Variants in CTBP2 observed in about 807,000 individuals in gnomAD.
CTBP2 encodes C-terminal-binding protein 2.
In CTBP2, 30 loss-of-function variants were observed where a neutral mutation model predicts 80.3. The ratio of observed to expected loss-of-function variants is 0.37; its 90% CI spans 0.28 to 0.51. The LOEUF (loss-of-function observed/expected upper bound fraction) is 0.51. Ranked by LOEUF, CTBP2 falls within the 20% of genes least tolerant of loss-of-function variation. CTBP2 has a pLI of 0.93. For missense variants in CTBP2, 1,212 were observed against 1,375.3 expected (o/e 0.88, Z 1.88); for synonymous variants, 594 against 587.4 (o/e 1.01, Z -0.16).
At chr10:125,052,531 C>A (rs891267913) in intron 2 of CTBP2, among the ~76,000 whole-genome samples, 7 of 152,242 alleles carry the variant, frequency 4.6e-5, no homozygotes, top group Non-Finnish European at 1.0e-4. Context: ...TTTGTGTTGT[C>A]TGTGTTAACA....
rs1297386295 is a variant in CTBP2 at position 125,002,988 on chromosome 10, G to A, written c.1950C>T (p.Asn650=). Residue 650 remains asparagine (N), a synonymous_variant, in exon 3 of 9, where the codon AAC becomes AAT. Transcript: ENST00000309035. ...GCTCGCCGGCAGCCTTGATGTCCAC[G>A]TTGTCATAGCCACTGCCTATCCGCA... The A allele has an allele frequency of 7.4e-6, 12 of 1,613,626 alleles. No individual in the cohort carries two copies. The highest frequency in any genetic ancestry group is 1.7e-5 in the Admixed American group (1 of 60,024).
chr10:125,004,276 T>C (rs1016355807), intron 1 of CTBP2, among the ~76,000 whole-genome samples: 1 of 152,118 alleles, frequency 6.6e-6, no homozygotes, highest in Non-Finnish European at 1.5e-5. Flanking sequence ...TGGAAGGCCT[T>C]ACCTGCCACA....
chr10:125,040,599 T>TACAC (rs59512017), intron 2 of CTBP2, among the ~76,000 whole-genome samples: 9,475 of 146,034 alleles, frequency 0.065, 413 homozygotes, highest in African/African-American at 0.11. Context: ...CACAACCACA[T>TACAC]ACACACACAC....
At chr10:125,015,866 G>A (rs990743142) in intron 1 of CTBP2, among the ~76,000 whole-genome samples, 1 of 152,250 alleles carries the variant, frequency 6.6e-6, no homozygotes, top group South Asian at 2.1e-4. Flanking sequence ...GGCCGCACAA[G>A]AGGCTGGGTG....
rs1440910819 is a variant in CTBP2, at chr10:125,027,805, T to C, written c.-46A>G. On this transcript the variant is annotated 5_prime_UTR_variant, in exon 1 of 9. Transcript: ENST00000309035. Reference sequence around the variant, plus strand: ...ATGAGGCAGAGGAGAAGCTTTTCTTTATAAATCTTCAATTACATACATCAA... The same window carrying C: ...ATGAGGCAGAGGAGAAGCTTTTCTTCATAAATCTTCAATTACATACATCAA... 4.1e-6 allele frequency: 6 copies of C among 1,465,602 alleles called. No individual in the cohort carries two copies. Among genetic ancestry groups the C allele is most frequent in the African/African-American group, 1.4e-5 (1 of 70,590 alleles). 90.8% of individuals were successfully genotyped at this position (1,465,602 alleles called of 1,614,324 possible). A position where few individuals can be genotyped will look rare whatever the true frequency, so the allele number is the denominator to read the frequency against.
chr10:125,146,789 G>C (rs1858864903), intron 1 of CTBP2, among the ~76,000 whole-genome samples: 1 of 152,162 alleles, frequency 6.6e-6, no homozygotes, highest in African/African-American at 2.4e-5. Context: ...GTGGAGAAAA[G>C]ATATTTGAAC....
At chr10:125,016,339 G>A (rs973611846) in intron 1 of CTBP2, among the ~76,000 whole-genome samples, 1 of 152,256 alleles carries the variant, frequency 6.6e-6, no homozygotes, top group Non-Finnish European at 1.5e-5. Flanking sequence ...CATGAGTGCC[G>A]GGACCAGGAG....
chr10:125,028,101 AT>A, upstream of CTBP2: 1 of 252,200 alleles, frequency 4.0e-6, no homozygotes, highest in Middle Eastern at 1.4e-3. Flanking sequence ...CAGCATGCGG[AT>A]TAGGAGCTAA....
chr10:125,067,975 C>T (rs564021428), intron 2 of CTBP2, among the ~76,000 whole-genome samples: 3 of 152,346 alleles, frequency 2.0e-5, no homozygotes, highest in African/African-American at 7.2e-5. Context: ...GTGGGCCTCT[C>T]ACCTGTCCAC....
chr10:125,060,811 A>G (rs901937922), intron 2 of CTBP2, among the ~76,000 whole-genome samples: 1 of 152,204 alleles, frequency 6.6e-6, no homozygotes, highest in Non-Finnish European at 1.5e-5. Flanking sequence ...CGGTGCCCCA[A>G]CCTAGAGGAC....
chr10:125,122,292 G>T (rs764225462), intron 1 of CTBP2, among the ~76,000 whole-genome samples: 6 of 152,228 alleles, frequency 3.9e-5, no homozygotes, highest in Non-Finnish European at 7.3e-5. Flanking sequence ...CACAAATGCT[G>T]TTCTCACATG....
At chr10:125,139,454 A>G (rs1310339458) in intron 1 of CTBP2, among the ~76,000 whole-genome samples, 1 of 151,858 alleles carries the variant, frequency 6.6e-6, no homozygotes, top group East Asian at 1.9e-4. Flanking sequence ...ATATTCTTGA[A>G]TGAGGGCAGA....
intron 3 of CTBP2, among the ~76,000 whole-genome samples, chr10:125,002,257 G>GC (rs1954627523): frequency 6.6e-6 from 1 of 152,242 alleles, no homozygotes; most frequent in African/African-American, 2.4e-5. Flanking sequence ...GACGCTCGAT[G>GC]CCAGCGGTCT....
At chr10:125,059,690 A>AC (rs752288768) in intron 2 of CTBP2, among the ~76,000 whole-genome samples, 2 of 151,622 alleles carry the variant, frequency 1.3e-5, no homozygotes, top group Non-Finnish European at 2.9e-5. Context: ...TTTGACGTCG[A>AC]CCCCAGAAGC....
chr10:125,152,007 C>CGAGGTGG (rs1860021393), intron 1 of CTBP2, among the ~76,000 whole-genome samples: 1 of 151,878 alleles, frequency 6.6e-6, no homozygotes, highest in South Asian at 2.1e-4. Flanking sequence ...AGGCGAGGCG[C>CGAGGTGG]GAGGTGGGGG....
rs1227578319 is a variant in CTBP2 at position 125,038,943 on chromosome 10, G to C, written c.58+54C>G. Reference sequence around the variant, plus strand: ...CCAACTCAAGGGAGCAGCCAGCGAAGATTTGAGTGAGGGACTACGTATGTT... The same window carrying C: ...CCAACTCAAGGGAGCAGCCAGCGAACATTTGAGTGAGGGACTACGTATGTT... On this transcript the variant is annotated intron_variant, in intron 3 of 10. Coordinates refer to the CTBP2 transcript ENST00000337195. 3.2e-6 allele frequency: 5 copies of C among 1,575,664 alleles called. No homozygotes were observed. In the African/African-American group the frequency reaches 6.8e-5, roughly 21 times the overall value.
At chr10:124,993,592 CCTGT>C (rs766333752) in intron 6 of CTBP2, among the ~76,000 whole-genome samples, 12 of 152,322 alleles carry the variant, frequency 7.9e-5, no homozygotes, top group African/African-American at 1.7e-4. Flanking sequence ...AGAGATGATG[CCTGT>C]CTGTCTGAAG....
chr10:125,138,554 G>A (rs1025174909), intron 1 of CTBP2, among the ~76,000 whole-genome samples: 1 of 151,936 alleles, frequency 6.6e-6, no homozygotes, highest in Admixed American at 6.6e-5. Context: ...CAGAGAAGGA[G>A]GCTCGTGGAT....
intron 2 of CTBP2, among the ~76,000 whole-genome samples, chr10:125,077,842 T>G (rs866670646): frequency 2.0e-5 from 3 of 152,070 alleles, no homozygotes; most frequent in Middle Eastern, 3.4e-3. Flanking sequence ...CCATTTGGAG[T>G]CTGTTCTGTG....
Sources: allele counts gnomAD v4.1 joint callset (sites outside exome capture counted in the v4.1 genomes callset), GRCh38; gene constraint gnomAD v4.1.1; transcripts MANE v1.5; gene names NCBI Gene and HGNC (gene_info 2026-07-23, HGNC 2026-07-21).